Variants in HSPA12A observed in about 807,000 individuals in gnomAD.
HSPA12A encodes heat shock protein family A (Hsp70) member 12A, also known as heat shock 70 kDa protein 12A.
In HSPA12A, 28 loss-of-function variants were observed where a neutral mutation model predicts 69.2. That is an observed-to-expected ratio of 0.40 (90% CI 0.30 to 0.55). The LOEUF is 0.55. HSPA12A is among the 20% of genes least tolerant of loss of function. HSPA12A has a pLI of 0.38. For synonymous variants in HSPA12A, 345 were observed against 370.5 expected (o/e 0.93, Z 0.79); for missense variants, 686 against 900.7 (o/e 0.76, Z 3.05).
chr10:116,787,883 C>G (rs1451043518), intron 2 of HSPA12A, among the ~76,000 whole-genome samples: 1 of 152,044 alleles, frequency 6.6e-6, no homozygotes, highest in African/African-American at 2.4e-5. Context: ...GTGGGGGCAC[C>G]CTAAATCCCC....
At chr10:116,713,243 A>G (rs1296706299) in intron 1 of HSPA12A, among the ~76,000 whole-genome samples, 6 of 151,998 alleles carry the variant, frequency 3.9e-5, no homozygotes, top group African/African-American at 7.3e-5. Flanking sequence ...CTTCATGGCT[A>G]GCTGAACTAA....
At position 116,822,039 on chromosome 10, in the gene HSPA12A, G is replaced by A. The variant is rs113421610; in HGVS notation, c.91+12896C>T. On this transcript the variant is annotated intron_variant, in intron 2 of 12. Transcript: ENST00000635765. ...GTGCTATGCCTATCTTTTGGTGTTC[G>A]CTAAGGCATTTACATCACTTTGTAT... Among the ~76,000 whole-genome samples the A allele has an allele frequency of 9.8e-3, 1,489 of 152,288 alleles. 17 individuals are homozygous for A. Among genetic ancestry groups the A allele is most frequent in the African/African-American group, 0.033 (1,353 of 41,556 alleles).
rs1427627407 is a variant in HSPA12A at position 116,712,999 on chromosome 10, T to C, written c.41-5714A>G. ...TGCAATATATATATATATATATATA[T>C]ATATATATATATTTGCATTTCTTTT... On this transcript the variant is annotated intron_variant, in intron 1 of 11. Coordinates refer to ENST00000369209, the MANE Select transcript of HSPA12A (RefSeq NM_025015.3). Among the ~76,000 whole-genome samples the C allele has an allele frequency of 2.3e-5, 3 of 132,626 alleles. 1 individual carries two copies. Among genetic ancestry groups the C allele is most frequent in the African/African-American group, 8.6e-5 (3 of 34,844 alleles). The allele number at this position is 132,626 out of a possible 152,430, so 87.0% of individuals were successfully genotyped here. A position where few individuals can be genotyped will look rare whatever the true frequency, so the allele number is the denominator to read the frequency against.
At chr10:116,798,830 G>A (rs574755223) in intron 2 of HSPA12A, among the ~76,000 whole-genome samples, 50 of 152,034 alleles carry the variant, frequency 3.3e-4, no homozygotes, top group Non-Finnish European at 5.4e-4. Flanking sequence ...AAATCCATAC[G>A]GTTTCTCCAA....
At chr10:116,709,295 A>C (rs1189635948) in intron 1 of HSPA12A, among the ~76,000 whole-genome samples, 1 of 152,052 alleles carries the variant, frequency 6.6e-6, no homozygotes, top group Non-Finnish European at 1.5e-5. Flanking sequence ...TAAAAATACA[A>C]AAATTAGCCA....
intron 2 of HSPA12A, among the ~76,000 whole-genome samples, chr10:116,805,183 GT>G (rs771954546): frequency 6.6e-6 from 1 of 152,116 alleles, no homozygotes; most frequent in Non-Finnish European, 1.5e-5. Flanking sequence ...GGGCGTGGTG[GT>G]GGGCGCCTGT....
chr10:116,677,435 G>C (rs1849272275), intron 10 of HSPA12A, among the ~76,000 whole-genome samples: 1 of 152,186 alleles, frequency 6.6e-6, no homozygotes, highest in South Asian at 2.1e-4. Context: ...AGGACAATGT[G>C]GTGTGGTATG....
At chr10:116,715,834 C>A (rs898900670) in intron 1 of HSPA12A, among the ~76,000 whole-genome samples, 4 of 152,202 alleles carry the variant, frequency 2.6e-5, no homozygotes, top group Admixed American at 2.6e-4. Flanking sequence ...TCACTGAAAC[C>A]TACAAATGTG....
At chr10:116,757,313 G>A (rs1554888868) in intron 2 of HSPA12A, among the ~76,000 whole-genome samples, 1 of 152,176 alleles carries the variant, frequency 6.6e-6, no homozygotes, top group Non-Finnish European at 1.5e-5. Flanking sequence ...GAGTCTCCCA[G>A]GGAGAAGCAG....
Position 116,741,840 on chromosome 10 carries a change from T to A in HSPA12A, c.40+590A>T, listed in dbSNP as rs551423013. ...CTTCACCCTTCCCCAGCCCAGTGAG[T>A]CCCTGGGGATGGGCGGGGAGGTGGG... On this transcript the variant is annotated intron_variant, in intron 1 of 11. Coordinates refer to ENST00000369209, the MANE Select transcript of HSPA12A (RefSeq NM_025015.3). 2.0e-5 allele frequency among the ~76,000 whole-genome samples: 3 copies of A among 151,900 alleles called. No homozygotes were observed. The South Asian group carries it at 6.2e-4, about 32-fold the overall frequency.
intron 1 of HSPA12A, among the ~76,000 whole-genome samples, chr10:116,840,487 C>G (rs1252408988): frequency 6.6e-6 from 1 of 152,134 alleles, no homozygotes; most frequent in Non-Finnish European, 1.5e-5. Context: ...TTCTCAAAAT[C>G]AGCACAGAAA....
intron 2 of HSPA12A, chr10:116,830,096 A>G (rs1845585380): frequency 6.6e-6 from 1 of 152,210 alleles, no homozygotes; most frequent in African/African-American, 2.4e-5. Context: ...TCATCTTCCT[A>G]CCTGAGACAA....
At position 116,683,634 on chromosome 10, in the gene HSPA12A, G is replaced by T. The variant is rs1014551343; in HGVS notation, c.835+157C>A. The stretch of plus-strand genomic sequence containing the variant: ...GGGGGTCCTTGGAGGGGCCAGGTAG[G>T]GGGGCTGAGCAGAGAGGTGCTTAAA... On this transcript the variant is annotated intron_variant, in intron 7 of 11. Transcript: ENST00000369209. The T allele has an allele frequency of 2.9e-5, 17 of 595,640 alleles. No homozygotes were observed. In the Admixed American group the frequency reaches 3.4e-4, roughly 12 times the overall value. The allele number at this position is 595,640 out of a possible 1,614,324, so 36.9% of individuals were successfully genotyped here. A position where few individuals can be genotyped will look rare whatever the true frequency, so the allele number is the denominator to read the frequency against.
At chr10:116,811,746 T>C (rs1207000655) in intron 2 of HSPA12A, among the ~76,000 whole-genome samples, 3 of 152,208 alleles carry the variant, frequency 2.0e-5, no homozygotes, top group Non-Finnish European at 2.9e-5. Context: ...GCTCTGCCCA[T>C]GACCTCTGCA....
intron 2 of HSPA12A, among the ~76,000 whole-genome samples, chr10:116,752,306 C>A (rs1279267354): frequency 9.2e-5 from 14 of 152,234 alleles, no homozygotes; most frequent in African/African-American, 3.4e-4. Flanking sequence ...TGCCCTCTTT[C>A]TTTGAAGTCT....
intron 1 of HSPA12A, among the ~76,000 whole-genome samples, chr10:116,709,491 T>G (rs1348565475): frequency 6.6e-6 from 1 of 151,214 alleles, no homozygotes; most frequent in African/African-American, 2.4e-5. Flanking sequence ...AAATGTGGTA[T>G]ATCCATACAA....
At chr10:116,742,611 G>C (rs1315693972), upstream of HSPA12A, 1 of 1,078,556 alleles carries the variant, frequency 9.3e-7, no homozygotes, top group Non-Finnish European at 1.1e-6. Flanking sequence ...GGCAGCCGCC[G>C]CAGCCACGGC....
chr10:116,849,850 C>T (rs887686688), upstream of HSPA12A: 1 of 1,194,504 alleles, frequency 8.4e-7, no homozygotes, highest in Non-Finnish European at 1.2e-6. Flanking sequence ...CGCCCGGGCC[C>T]TGGGCCTGCG....
At chr10:116,806,412 G>T (rs897754890) in intron 2 of HSPA12A, among the ~76,000 whole-genome samples, 1 of 152,010 alleles carries the variant, frequency 6.6e-6, no homozygotes, top group East Asian at 1.9e-4. Context: ...TCATTATGTT[G>T]CCCAGGCTGG....
Sources: gnomAD v4.1 joint callset for allele counts (sites outside exome capture counted in the v4.1 genomes callset) on GRCh38, gnomAD v4.1.1 for gene constraint, MANE v1.5 for transcripts, NCBI Gene and HGNC (gene_info 2026-07-23, HGNC 2026-07-21) for gene names.